The following RANBP2 variants were observed in gnomAD, a reference collection of about 807,000 sequenced individuals.
RANBP2 encodes the protein E3 SUMO-protein ligase RanBP2.
A neutral mutation model predicts 303.6 loss-of-function variants in RANBP2; 57 were observed. The ratio of observed to expected loss-of-function variants is 0.19; its 90% CI spans 0.15 to 0.23. RANBP2 has a LOEUF of 0.23. Ranked by LOEUF, RANBP2 falls within the 10% of genes least tolerant of loss-of-function variation. The pLI is 1.00. For missense variants in RANBP2, 3,138 were observed against 3,780.8 expected, an observed-to-expected ratio of 0.83 and a Z score of 4.46; for synonymous variants, 1,167 against 1,301.5, an observed-to-expected ratio of 0.90 and a Z score of 2.23.
At chr2:109,275,791 G>T in the RANBP2 span, among the ~76,000 whole-genome samples, 2 of 152,332 alleles carry the variant, frequency 1.3e-5, no homozygotes, top group Non-Finnish European at 2.9e-5. Flanking sequence ...ATGAAGCGAG[G>T]CACAGTGAGA....
chr2:108,791,020 C>G, the RANBP2 span, among the ~76,000 whole-genome samples: 1 of 152,084 alleles, frequency 6.6e-6, no homozygotes, highest in Admixed American at 6.6e-5. Context: ...CTTCGGCCTC[C>G]CAAAGTGCTG....
At chr2:109,148,265 G>A in the RANBP2 span, among the ~76,000 whole-genome samples, 6 of 152,204 alleles carry the variant, frequency 3.9e-5, no homozygotes, top group African/African-American at 9.7e-5. Context: ...GATGGGCCCC[G>A]ATCATGCCAC....
At chr2:108,952,742 A>G in the RANBP2 span, among the ~76,000 whole-genome samples, 44 of 152,314 alleles carry the variant, frequency 2.9e-4, no homozygotes, top group Admixed American at 7.2e-4. Context: ...ATTATGGGTC[A>G]CATTTTCCTA....
chr2:109,135,315 A>C, the RANBP2 span, among the ~76,000 whole-genome samples: 1 of 152,154 alleles, frequency 6.6e-6, no homozygotes, highest in Non-Finnish European at 1.5e-5. Context: ...CCCCCAGGAC[A>C]CGTGGAAGGA....
the RANBP2 span, among the ~76,000 whole-genome samples, chr2:108,968,658 C>T: frequency 6.6e-6 from 1 of 152,178 alleles, no homozygotes; most frequent in Non-Finnish European, 1.5e-5. Flanking sequence ...GAGCTGGCAC[C>T]TTCTTCTGCA....
the RANBP2 span, chr2:109,564,217 G>T: frequency 1.5e-6 from 1 of 661,532 alleles, no homozygotes; most frequent in Non-Finnish European, 2.2e-6. Flanking sequence ...AGTGATTCAA[G>T]AAGCACAATA....
At chr2:109,639,856 G>A in the RANBP2 span, among the ~76,000 whole-genome samples, 3 of 151,084 alleles carry the variant, frequency 2.0e-5, no homozygotes, top group South Asian at 2.1e-4. Flanking sequence ...GATTACAGGC[G>A]CATGCCACCA....
At chr2:109,241,383 C>T in the RANBP2 span, among the ~76,000 whole-genome samples, 1 of 152,216 alleles carries the variant, frequency 6.6e-6, no homozygotes, top group African/African-American at 2.4e-5. Context: ...ACCCTCTCCC[C>T]TTTTCTAGGG....
chr2:109,190,249 C>T, the RANBP2 span, among the ~76,000 whole-genome samples: 3 of 152,162 alleles, frequency 2.0e-5, no homozygotes, highest in Admixed American at 2.0e-4. Context: ...TCTTGGCCCA[C>T]TGCAACCTCC....
At chr2:108,976,511 G>A in the RANBP2 span, among the ~76,000 whole-genome samples, 50 of 152,128 alleles carry the variant, frequency 3.3e-4, no homozygotes, top group African/African-American at 1.2e-3. Context: ...GTCTCCAGGC[G>A]GAGCGCACAC....
At chr2:109,628,524 AAATAAAT>A in the RANBP2 span, among the ~76,000 whole-genome samples, 1 of 151,694 alleles carries the variant, frequency 6.6e-6, no homozygotes, top group Non-Finnish European at 1.5e-5. Flanking sequence ...ATAAATAAAT[AAATAAAT>A]AAATAAATAG....
At chr2:109,315,905 C>T in the RANBP2 span, among the ~76,000 whole-genome samples, 72 of 152,274 alleles carry the variant, frequency 4.7e-4, no homozygotes, top group East Asian at 0.013. Flanking sequence ...CTGCGACCAG[C>T]ATAGGTCTGT....
chr2:108,727,461 C>T (rs897906345), intron 1 of RANBP2, among the ~76,000 whole-genome samples: 8 of 151,820 alleles, frequency 5.3e-5, no homozygotes, highest in African/African-American at 1.7e-4. Context: ...AAACAGGAAA[C>T]ATGTTTCGAT....
chr2:108,891,600 A>G, the RANBP2 span, among the ~76,000 whole-genome samples: 1 of 152,214 alleles, frequency 6.6e-6, no homozygotes, highest in Non-Finnish European at 1.5e-5. Context: ...AGGGCTGTAT[A>G]GCTGGCATCT....
At chr2:108,911,639 G>T in the RANBP2 span, among the ~76,000 whole-genome samples, 1 of 152,180 alleles carries the variant, frequency 6.6e-6, no homozygotes, top group Non-Finnish European at 1.5e-5. Flanking sequence ...GGGGGATTTT[G>T]CTCAGTTCCC....
the RANBP2 span, among the ~76,000 whole-genome samples, chr2:109,282,942 C>A: frequency 6.6e-6 from 1 of 152,088 alleles, no homozygotes; most frequent in Non-Finnish European, 1.5e-5. Flanking sequence ...CCAATGGTGG[C>A]ATTGGGGCTG....
chr2:108,730,000 T>G (rs1695044000), intron 2 of RANBP2, among the ~76,000 whole-genome samples: 1 of 151,706 alleles, frequency 6.6e-6, no homozygotes, highest in South Asian at 2.1e-4. Context: ...ACTACAGGTG[T>G]GTGTTACTGC....
chr2:109,249,583 C>CTTTT, the RANBP2 span, among the ~76,000 whole-genome samples: 21 of 84,414 alleles, frequency 2.5e-4, no homozygotes, highest in African/African-American at 1.1e-3. Flanking sequence ...TTCCTTCCTT[C>CTTTT]CTTTCCTTTC....
the RANBP2 span, chr2:108,910,717 G>C: frequency 3.2e-6 from 5 of 1,582,456 alleles, no homozygotes; most frequent in South Asian, 4.4e-5. Context: ...TTCTGGGAAC[G>C]CCCTCCACCC....
Sources: gnomAD v4.1 joint callset for allele counts (sites outside exome capture counted in the v4.1 genomes callset) on GRCh38, gnomAD v4.1.1 for gene constraint, MANE v1.5 for transcripts, NCBI Gene and HGNC (gene_info 2026-07-23, HGNC 2026-07-21) for gene names.